CYRIA: variants seen among roughly 807,000 people sequenced by gnomAD.
CYRIA encodes the protein CYFIP related Rac1 interactor A.
A neutral mutation model predicts 43.9 loss-of-function variants in CYRIA; 15 were observed. That is an observed-to-expected ratio of 0.34 (90% CI 0.23 to 0.53). The LOEUF (loss-of-function observed/expected upper bound fraction) is 0.53. Ranked by LOEUF, CYRIA falls within the 20% of genes least tolerant of loss-of-function variation. The probability of loss-of-function intolerance (pLI) is 0.94; values close to 1 mark genes in which losing one functional copy is unlikely to be tolerated. For synonymous variants in CYRIA, 117 were observed against 136.0 expected (o/e 0.86, Z 0.97); for missense variants, 236 against 394.2 (o/e 0.60, Z 3.40).
intron 1 of CYRIA, among the ~76,000 whole-genome samples, chr2:16,656,072 A>G (rs1326898573): frequency 6.6e-6 from 1 of 152,238 alleles, no homozygotes; most frequent in African/African-American, 2.4e-5. Flanking sequence ...AGGCCAGGGC[A>G]GAGCCTTGTC....
intron 1 of CYRIA, among the ~76,000 whole-genome samples, chr2:16,648,210 A>C (rs1029628895): frequency 6.6e-6 from 1 of 151,696 alleles, no homozygotes; most frequent in Non-Finnish European, 1.5e-5. Context: ...TCTCTGCCAC[A>C]CCCACTGCAT....
intron 1 of CYRIA, among the ~76,000 whole-genome samples, chr2:16,651,373 G>A (rs1306655568): frequency 6.6e-6 from 1 of 152,172 alleles, no homozygotes; most frequent in Admixed American, 6.5e-5. Flanking sequence ...TGTTTGTAAA[G>A]CACCGCACTG....
chr2:16,554,049 TTG>T lies in CYRIA; in HGVS notation c.908+1018_908+1019del, dbSNP rs983575728. 5.6e-4 allele frequency among the ~76,000 whole-genome samples: 85 copies of T among 152,262 alleles called. 1 individual carries two copies. The highest frequency in any genetic ancestry group is 1.9e-3 in the African/African-American group (79 of 41,566). ...AACCTCAGGGTCTATTTTGTTCATTTTGTGTGTGTCTCAGTTTCTTCATTTAT... is the reference window on the plus strand; with the variant it reads ...AACCTCAGGGTCTATTTTGTTCATTTTGTGTGTCTCAGTTTCTTCATTTAT... On this transcript the variant is annotated intron_variant, in intron 11 of 11. Transcript: ENST00000381323.
At chr2:16,660,336 C>G (rs567536813) in intron 1 of CYRIA, among the ~76,000 whole-genome samples, 1 of 152,152 alleles carries the variant, frequency 6.6e-6, no homozygotes, top group South Asian at 2.1e-4. Context: ...CCAGGACAAG[C>G]GTGTTTCTGT....
At chr2:16,560,555 A>G (rs1666687264) in intron 9 of CYRIA, 1 of 176,354 alleles carries the variant, frequency 5.7e-6, no homozygotes, top group Non-Finnish European at 1.2e-5. Flanking sequence ...CAACTAGTTT[A>G]GGTACAAAAA....
chr2:16,573,067 C>A (rs372521691), intron 3 of CYRIA, among the ~76,000 whole-genome samples: 1 of 152,214 alleles, frequency 6.6e-6, no homozygotes, highest in Non-Finnish European at 1.5e-5. Flanking sequence ...ACCCACACCC[C>A]ACTACTGCCG....
chr2:16,627,260 C>T (rs55904288), intron 1 of CYRIA, among the ~76,000 whole-genome samples: 1,867 of 146,936 alleles, frequency 0.013, 24 homozygotes, highest in South Asian at 0.016. Context: ...ACTGTGTCCC[C>T]ACCCTCCGGG....
At chr2:16,589,801 A>G (rs978945037) in intron 2 of CYRIA, among the ~76,000 whole-genome samples, 3 of 152,114 alleles carry the variant, frequency 2.0e-5, no homozygotes, top group Admixed American at 2.0e-4. Context: ...AAGATGGATT[A>G]TAATAGGCCG....
At chr2:16,626,175 C>A (rs946532526) in intron 1 of CYRIA, among the ~76,000 whole-genome samples, 1 of 152,138 alleles carries the variant, frequency 6.6e-6, no homozygotes, top group Non-Finnish European at 1.5e-5. Flanking sequence ...ACCACTTCTA[C>A]TAATGCTAAT....
chr2:16,566,186 G>C (rs1666927234), intron 3 of CYRIA, among the ~76,000 whole-genome samples: 1 of 152,024 alleles, frequency 6.6e-6, no homozygotes, highest in Admixed American at 6.6e-5. Flanking sequence ...ATAACATAAA[G>C]TTCACCATCT....
intron 1 of CYRIA, among the ~76,000 whole-genome samples, chr2:16,627,066 G>A (rs921722532): frequency 1.3e-5 from 2 of 152,230 alleles, no homozygotes; most frequent in African/African-American, 4.8e-5. Context: ...GGCATCTCCT[G>A]TCTTCCAGTC....
At chr2:16,653,855 A>C (rs1670033841) in intron 1 of CYRIA, among the ~76,000 whole-genome samples, 1 of 152,240 alleles carries the variant, frequency 6.6e-6, no homozygotes, top group Non-Finnish European at 1.5e-5. Flanking sequence ...TGCGTAAATC[A>C]CATTACCATT....
chr2:16,655,712 T>C (rs1418784396), intron 1 of CYRIA, among the ~76,000 whole-genome samples: 1 of 152,112 alleles, frequency 6.6e-6, no homozygotes, highest in Non-Finnish European at 1.5e-5. Context: ...TCTTTTCTCT[T>C]TCATAATCTT....
chr2:16,557,026 A>G (rs545839496), intron 10 of CYRIA, among the ~76,000 whole-genome samples: 1 of 152,150 alleles, frequency 6.6e-6, no homozygotes, highest in Non-Finnish European at 1.5e-5. Flanking sequence ...TGGGGTCTGG[A>G]ATTCTGGATA....
At chr2:16,585,360 G>T (rs937320244) in intron 3 of CYRIA, among the ~76,000 whole-genome samples, 24 of 152,226 alleles carry the variant, frequency 1.6e-4, no homozygotes, top group African/African-American at 5.8e-4. Context: ...AAAACCAGGG[G>T]AGGAGGAGAG....
At chr2:16,658,926 G>C (rs1341023180) in intron 1 of CYRIA, among the ~76,000 whole-genome samples, 1 of 152,192 alleles carries the variant, frequency 6.6e-6, no homozygotes, top group Non-Finnish European at 1.5e-5. Flanking sequence ...TGAGAAGTAA[G>C]TTGGATACCA....
At chr2:16,649,431 C>T (rs1669907306) in intron 1 of CYRIA, among the ~76,000 whole-genome samples, 1 of 151,826 alleles carries the variant, frequency 6.6e-6, no homozygotes. Flanking sequence ...CATGGTTATA[C>T]AGTATGGGGG....
In CYRIA at chr2:16,562,521, G is replaced by C. The variant is rs546584170; in HGVS notation, c.299-380C>G. ...GACGGTGCCCTAAACACATGGGTTA[G>C]ATGACCGGCTTTGCAGGGAAAGACC... On this transcript the variant is annotated intron_variant, in intron 5 of 11. Transcript: ENST00000381323. Among the ~76,000 whole-genome samples the C allele has an allele frequency of 8.5e-5, 13 of 152,268 alleles. No individual in the cohort carries two copies. The South Asian group carries it at 2.5e-3, about 29-fold the overall frequency.
At chr2:16,562,324 G>A (rs1482295985) in intron 5 of CYRIA, among the ~76,000 whole-genome samples, 183 bp from the exon 6 acceptor site, 1 of 152,120 alleles carries the variant, frequency 6.6e-6, no homozygotes. Context: ...TGGGCAGGCA[G>A]CCTCCCCTGA....
Sources: allele counts gnomAD v4.1 joint callset (sites outside exome capture counted in the v4.1 genomes callset), GRCh38; gene constraint gnomAD v4.1.1; transcripts MANE v1.5; gene names NCBI Gene and HGNC (gene_info 2026-07-23, HGNC 2026-07-21).